Variants in NAPA observed in about 807,000 individuals in gnomAD.
NAPA encodes the protein alpha-soluble NSF attachment protein.
A neutral mutation model predicts 48.0 loss-of-function variants in NAPA; 18 were observed. The ratio of observed to expected loss-of-function variants is 0.38; its 90% confidence interval spans 0.26 to 0.56. The LOEUF is 0.56. NAPA is among the 20% of genes least tolerant of loss of function. The pLI is 0.77. For missense variants in NAPA, 315 were observed against 385.0 expected (o/e 0.82, Z 1.52); for synonymous variants, 152 against 149.9 (o/e 1.01, Z -0.10).
chr19:47,493,227 G>T lies in NAPA; in HGVS notation c.421-53C>A. 1 of 1,543,476 alleles carries T rather than the reference G, an allele frequency of 6.5e-7. No individual in the cohort carries two copies. The highest frequency in any genetic ancestry group is 1.8e-5 in the Admixed American group (1 of 56,518). ...GGGGAGGGCAGGGAAGGGAGAGGAG[G>T]CCTCCGTGAAGCTTCCACACCCTCC... On this transcript the variant is annotated intron_variant, in intron 5 of 10. Transcript: ENST00000263354. The surrounding 1 kb of genome is among the most constrained non-coding windows in gnomAD (Gnocchi z 6.4).
rs114609187 is a variant in NAPA at position 47,493,641 on chromosome 19, G to C, written c.343-148C>G. 2.9e-6 allele frequency: 2 copies of C among 694,754 alleles called. No individual in the cohort carries two copies. Among genetic ancestry groups the C allele is most frequent in the East Asian group, 5.2e-5 (2 of 38,278 alleles). 43.0% of individuals were successfully genotyped at this position (694,754 alleles called of 1,614,324 possible). A position where few individuals can be genotyped will look rare whatever the true frequency, so the allele number is the denominator to read the frequency against. On this transcript the variant is annotated intron_variant, in intron 4 of 10. Coordinates refer to ENST00000263354, the MANE Select transcript of NAPA (RefSeq NM_003827.4). The surrounding 1 kb of genome is among the most constrained non-coding windows in gnomAD (Gnocchi z 6.4). Reference sequence around the variant, plus strand: ...TGAGGTGTGAAGAAGATCGAGAGGTGGGGGAACACAGGAGTGAGAAGGGAG... The same window carrying C: ...TGAGGTGTGAAGAAGATCGAGAGGTCGGGGAACACAGGAGTGAGAAGGGAG...
At chr19:47,508,573 G>A (rs953411466) in intron 1 of NAPA, among the ~76,000 whole-genome samples, 10 of 152,196 alleles carry the variant, frequency 6.6e-5, no homozygotes, top group African/African-American at 2.2e-4. Flanking sequence ...AAGACAAGGG[G>A]TAGAAAGAGA....
intron 1 of NAPA, among the ~76,000 whole-genome samples, chr19:47,504,417 AAAAG>A (rs1454475430): frequency 2.6e-5 from 4 of 151,460 alleles, no homozygotes; most frequent in African/African-American, 9.7e-5. Flanking sequence ...AAAAAAAAAA[AAAAG>A]AGAAAGAGAG....
chr19:47,505,053 G>T (rs554713564), intron 1 of NAPA, among the ~76,000 whole-genome samples: 1 of 152,044 alleles, frequency 6.6e-6, no homozygotes, highest in Non-Finnish European at 1.5e-5. Flanking sequence ...CCTCAAACCC[G>T]TAAGTCCCAC....
rs770624587 is a variant in NAPA, at chr19:47,514,863, GGACTGCGAGTTCTTCAC to G, written c.61_77del (p.Val21LeufsTer76). On this transcript the variant is annotated frameshift_variant, in exon 1 of 11. Coordinates refer to ENST00000263354, the MANE Select transcript of NAPA (RefSeq NM_003827.4). LOFTEE classifies it high-confidence loss of function. ...CTCACCCAAAGAGGCCAGAGAAGAAGGACTGCGAGTTCTTCACTTTGCGCTCCGCCTCGGCCAACAGC... is the reference window on the plus strand; with the variant it reads ...CTCACCCAAAGAGGCCAGAGAAGAAGTTTGCGCTCCGCCTCGGCCAACAGC... 6.2e-7 allele frequency: 1 copy of G among 1,614,042 alleles called. No homozygotes were observed.
At chr19:47,503,574 AGTGCCGGGCACAGAC>A in intron 1 of NAPA, 72 bp from the exon 2 acceptor site, 1 of 1,443,014 alleles carries the variant, frequency 6.9e-7, no homozygotes, top group Non-Finnish European at 9.7e-7. Context: ...ATTCTGCTCC[AGTGCCGGGCACAGAC>A]GTGCCCCTAC....
rs1968350045 is a variant in NAPA, at chr19:47,493,969, T to G, written c.343-476A>C. On this transcript the variant is annotated intron_variant, in intron 4 of 10. Transcript: ENST00000263354. The surrounding 1 kb of genome is among the most constrained non-coding windows in gnomAD (Gnocchi z 6.4). The stretch of plus-strand genomic sequence containing the variant: ...CCAGCTCTGCCCCCAGGCCAACACC[T>G]ATCTGTCAGCCTCCCCCAGGCACAC... Among the ~76,000 whole-genome samples, 1 of 152,158 alleles carries G rather than the reference T, an allele frequency of 6.6e-6. No individual in the cohort carries two copies. The highest frequency in any genetic ancestry group is 6.5e-5 in the Admixed American group (1 of 15,276).
intron 9 of NAPA, among the ~76,000 whole-genome samples, chr19:47,490,198 T>TGTGTGTGTGGGGTGTGTCATGTGTG (rs1968207266): frequency 7.1e-6 from 1 of 141,586 alleles, no homozygotes; most frequent in African/African-American, 2.7e-5. Context: ...GTGTGCAATG[T>TGTGTGTGTGGGGTGTGTCATGTGTG]GTGTGTGTGG....
chr19:47,496,835 G>A, intron 3 of NAPA: 1 of 455,956 alleles, frequency 2.2e-6, no homozygotes, highest in Non-Finnish European at 4.4e-6. Context: ...GTAAACAGTG[G>A]GGTCCATAAG....
chr19:47,492,000 C>CGTGG lies in NAPA; in HGVS notation c.666+11_666+14dup. The CGTGG allele has an allele frequency of 6.2e-7, 1 of 1,609,510 alleles. No homozygotes were observed. Among genetic ancestry groups the CGTGG allele is most frequent in the South Asian group, 1.1e-5 (1 of 90,820 alleles). On this transcript the variant is annotated intron_variant, in intron 8 of 10. Coordinates refer to ENST00000263354, the MANE Select transcript of NAPA (RefSeq NM_003827.4). ...TGGCCTGGTGCGGTGGTCCTGCGGG[C>CGTGG]GTGGGGTGTGCTACCTTGGCGTTGA...
At chr19:47,507,786 G>C (rs902528131) in intron 1 of NAPA, among the ~76,000 whole-genome samples, 1 of 152,160 alleles carries the variant, frequency 6.6e-6, no homozygotes, top group Non-Finnish European at 1.5e-5. Context: ...AGCTCCTCAC[G>C]AGAGCCCTTT....
At chr19:47,509,349 T>TAAATAAAATAAAATA (rs1210141621) in intron 1 of NAPA, among the ~76,000 whole-genome samples, 3 of 92,156 alleles carry the variant, frequency 3.3e-5, no homozygotes, top group Admixed American at 1.0e-4. Flanking sequence ...TAAAATAAAA[T>TAAATAAAATAAAATA]AAATAAAATA....
chr19:47,500,184 G>A (rs1313999225), intron 3 of NAPA, among the ~76,000 whole-genome samples: 1 of 152,146 alleles, frequency 6.6e-6, no homozygotes, highest in Non-Finnish European at 1.5e-5. Context: ...CAGGATGTAG[G>A]GAAGCCAGGT....
At position 47,493,489 on chromosome 19, in the gene NAPA, C is replaced by A; in HGVS notation, c.347G>T (p.Arg116Leu). 1.2e-6 allele frequency: 2 copies of A among 1,613,874 alleles called. No individual in the cohort carries two copies. The highest frequency in any genetic ancestry group is 1.7e-6 in the Non-Finnish European group (2 of 1,179,972). ...RAIEIYTDMGRFTIAAKHHIS... is the reference protein window; with the variant it reads ...RAIEIYTDMGLFTIAAKHHIS... ...GTGGTGCTTGGCCGCAATCGTGAATCGGCCCTGGAGGGGACACAGGAAGGG... is the reference window on the plus strand; with the variant it reads ...GTGGTGCTTGGCCGCAATCGTGAATAGGCCCTGGAGGGGACACAGGAAGGG... Residue 116 changes from arginine to leucine, a missense_variant, in exon 5 of 11, where the codon CGA becomes CTA. Around this residue, in one of 3 missense-constraint regions of NAPA, gnomAD observed 173 missense variants for 213.5 expected, o/e 0.81. Coordinates refer to ENST00000263354, the MANE Select transcript of NAPA (RefSeq NM_003827.4). The surrounding 1 kb of genome is among the most constrained non-coding windows in gnomAD (Gnocchi z 6.4).
Position 47,503,464 on chromosome 19 carries a change from G to A in NAPA, c.137C>T (p.Ala46Val). 6.2e-7 allele frequency: 1 copy of A among 1,614,246 alleles called. No individual in the cohort carries two copies. The highest frequency in any genetic ancestry group is 1.3e-5 in the African/African-American group (1 of 75,076). Residue 46 changes from alanine (A) to valine (V), a missense_variant, in exon 2 of 11, where the codon GCC (alanine) becomes GTC (valine). Ala to Val is a moderately conservative substitution (Grantham distance 64). Coordinates refer to ENST00000263354, the MANE Select transcript of NAPA (RefSeq NM_003827.4). The stretch of plus-strand genomic sequence containing the variant: ...CATTTTGAACATGTTTGCTGCTCTG[G>A]CGTAGATTTCGCATGCTTCCTCTAT... ...SKIEEACEIY[A>V]RAANMFKMAK...
chr19:47,493,311 G>A lies in NAPA; in HGVS notation c.420+105C>T. 6.7e-7 allele frequency: 1 copy of A among 1,498,230 alleles called. No individual in the cohort carries two copies. 92.8% of individuals were successfully genotyped at this position (1,498,230 alleles called of 1,614,324 possible). On this transcript the variant is annotated intron_variant, in intron 5 of 10. Transcript: ENST00000263354. The surrounding 1 kb of genome is among the most constrained non-coding windows in gnomAD (Gnocchi z 6.4). ...TCTCCAAGCTCTGCCGGCGCCCCAT[G>A]CCCCCTTCTCGGCACTCAGACACCA...
intron 3 of NAPA, among the ~76,000 whole-genome samples, chr19:47,499,629 G>A (rs1403725860): frequency 6.6e-6 from 1 of 152,242 alleles, no homozygotes; most frequent in Non-Finnish European, 1.5e-5. Flanking sequence ...CAGCTGCTGA[G>A]GAGCAACTGG....
intron 4 of NAPA, among the ~76,000 whole-genome samples, chr19:47,494,721 G>C (rs1968371201): frequency 8.6e-6 from 1 of 116,358 alleles, no homozygotes; most frequent in Non-Finnish European, 1.7e-5. Flanking sequence ...CTAGATGAGA[G>C]AGAAACTCTG....
intron 3 of NAPA, among the ~76,000 whole-genome samples, chr19:47,497,699 C>T (rs548878630): frequency 3.9e-5 from 6 of 152,246 alleles, no homozygotes; most frequent in South Asian, 4.1e-4. Context: ...CTACCAGCGA[C>T]GCCCAACCTG....
Sources: allele counts gnomAD v4.1 joint callset (sites outside exome capture counted in the v4.1 genomes callset), GRCh38; gene constraint gnomAD v4.1.1; regional missense constraint gnomAD v4.1.1; non-coding constraint Gnocchi (gnomAD v3.1); transcripts MANE v1.5; gene names NCBI Gene and HGNC (gene_info 2026-07-23, HGNC 2026-07-21).